ZNF254: variants seen among roughly 807,000 people sequenced by gnomAD.
ZNF254 encodes CTD-2017D11.1.
Under a neutral mutation model 12.4 loss-of-function variants are expected in ZNF254, and 10 were observed. That is an observed-to-expected ratio of 0.80 (90% CI 0.50 to 1.36). The LOEUF is 1.36. Among genes scored for constraint, ZNF254 ranks in the 40% most tolerant of loss-of-function variants. The pLI is 0.00. For synonymous variants in ZNF254, 305 were observed against 253.4 expected (o/e 1.20, Z -1.93); for missense variants, 996 against 763.9 (o/e 1.30, Z -3.58).
At chr19:24,086,163 C>A (rs550038689), upstream of ZNF254, among the ~76,000 whole-genome samples, 9 of 151,934 alleles carry the variant, frequency 5.9e-5, no homozygotes, top group South Asian at 1.7e-3. Flanking sequence ...GCCAAGATGG[C>A]GCCACTGTAC....
intron 2 of ZNF254, among the ~76,000 whole-genome samples, chr19:24,073,578 A>G (rs2145513302): frequency 1.3e-5 from 2 of 152,322 alleles, no homozygotes; most frequent in East Asian, 3.9e-4. Flanking sequence ...TTTCCACATG[A>G]ATACAGCTCA....
At chr19:24,108,061 A>G (rs1285934385) in intron 3 of ZNF254, among the ~76,000 whole-genome samples, 4 of 152,190 alleles carry the variant, frequency 2.6e-5, no homozygotes, top group Admixed American at 6.6e-5. Context: ...TTATATCAGG[A>G]TGTGGATGAG....
intron 3 of ZNF254, among the ~76,000 whole-genome samples, chr19:24,111,495 A>G (rs1162516620): frequency 6.6e-6 from 1 of 152,160 alleles, no homozygotes; most frequent in South Asian, 2.1e-4. Context: ...GTCAAATGGT[A>G]TTTCTAGTTC....
chr19:24,049,664 G>A (rs76510018), intron 2 of ZNF254: 1 of 151,984 alleles, frequency 6.6e-6, no homozygotes, highest in Non-Finnish European at 1.5e-5. Context: ...TTCCACAGGG[G>A]GCATTGTGTC....
intron 2 of ZNF254, among the ~76,000 whole-genome samples, chr19:24,075,617 C>G (rs2145533149): frequency 6.6e-6 from 1 of 152,296 alleles, no homozygotes; most frequent in Non-Finnish European, 1.5e-5. Flanking sequence ...AGCAAGATCA[C>G]AAGGCCAGGG....
chr19:24,040,696 C>G (rs1227830219), intron 1 of ZNF254, among the ~76,000 whole-genome samples: 3 of 152,216 alleles, frequency 2.0e-5, no homozygotes, highest in African/African-American at 7.2e-5. Flanking sequence ...ATGGTGAGCA[C>G]ATAGTACAAG....
chr19:24,081,210 C>G (rs1284436711), intron 2 of ZNF254, among the ~76,000 whole-genome samples: 1 of 152,104 alleles, frequency 6.6e-6, no homozygotes, highest in Non-Finnish European at 1.5e-5. Context: ...TGCCATTTTA[C>G]ATAATCTCTA....
intron 1 of ZNF254, among the ~76,000 whole-genome samples, chr19:24,042,612 A>T (rs991172615): frequency 4.6e-5 from 7 of 151,914 alleles, no homozygotes; most frequent in African/African-American, 1.7e-4. Flanking sequence ...CAGACGCGCC[A>T]CCTTAAGAGC....
chr19:24,109,239 C>T (rs1470738463), intron 3 of ZNF254, among the ~76,000 whole-genome samples: 1 of 152,132 alleles, frequency 6.6e-6, no homozygotes, highest in Non-Finnish European at 1.5e-5. Flanking sequence ...ATTAGCATCT[C>T]CTAATTATGA....
chr19:24,074,095 G>A (rs1169519466), intron 2 of ZNF254, among the ~76,000 whole-genome samples: 1 of 152,140 alleles, frequency 6.6e-6, no homozygotes. Flanking sequence ...TCATTCCTGT[G>A]CCCTGCCATT....
At chr19:24,109,975 T>C (rs915135273) in intron 3 of ZNF254, among the ~76,000 whole-genome samples, 1 of 151,896 alleles carries the variant, frequency 6.6e-6, no homozygotes, top group African/African-American at 2.4e-5. Flanking sequence ...GTGATCTGCT[T>C]GCCTTGGTCT....
intron 2 of ZNF254, among the ~76,000 whole-genome samples, chr19:24,055,114 A>T (rs1970791352): frequency 7.1e-6 from 1 of 141,406 alleles, no homozygotes; most frequent in South Asian, 2.4e-4. Context: ...GAGGCAGGAG[A>T]ATTGCTTCAA....
intron 1 of ZNF254, among the ~76,000 whole-genome samples, chr19:24,096,733 T>C (rs1350664694): frequency 6.6e-6 from 1 of 152,216 alleles, no homozygotes; most frequent in Non-Finnish European, 1.5e-5. Context: ...TCTTCAGTTA[T>C]CTGTTTGTTA....
intron 2 of ZNF254, among the ~76,000 whole-genome samples, chr19:24,058,194 C>G: frequency 6.6e-6 from 1 of 152,152 alleles, no homozygotes; most frequent in East Asian, 1.9e-4. Flanking sequence ...CCTTCCTGCA[C>G]CTATGATTGT....
chr19:24,033,743 G>GC (rs552146535), intron 1 of ZNF254: 73 of 207,488 alleles, frequency 3.5e-4, no homozygotes, highest in Non-Finnish European at 5.4e-4. Context: ...TCAGCCCCAG[G>GC]CCCCTCTGGC....
At chr19:24,049,474 C>G (rs1169930318) in intron 2 of ZNF254, 1 of 151,960 alleles carries the variant, frequency 6.6e-6, no homozygotes, top group African/African-American at 2.4e-5. Flanking sequence ...TATCTGGCAA[C>G]AGAGTGAGTT....
intron 1 of ZNF254, among the ~76,000 whole-genome samples, chr19:24,035,210 C>A (rs1969920739): frequency 1.3e-5 from 2 of 152,118 alleles, no homozygotes; most frequent in Admixed American, 6.5e-5. Flanking sequence ...GTTGCCTAGG[C>A]AGGCGGGCAC....
At chr19:24,117,871 A>T (rs1974207221) in intron 3 of ZNF254, among the ~76,000 whole-genome samples, 1 of 151,924 alleles carries the variant, frequency 6.6e-6, no homozygotes, top group Non-Finnish European at 1.5e-5. Flanking sequence ...ACTGAATCAT[A>T]TTCCATTCTA....
intron 3 of ZNF254, chr19:24,106,970 C>A: frequency 2.3e-6 from 1 of 434,686 alleles, no homozygotes; most frequent in Non-Finnish European, 4.0e-6. Flanking sequence ...TTTTGAGATA[C>A]TGTATGTTAA....
Sources: allele counts gnomAD v4.1 joint callset (sites outside exome capture counted in the v4.1 genomes callset), GRCh38; gene constraint gnomAD v4.1.1; transcripts MANE v1.5; gene names NCBI Gene and HGNC (gene_info 2026-07-23, HGNC 2026-07-21).